F10: variants seen among roughly 807,000 people sequenced by gnomAD.
F10 encodes Stuart-Prower factor.
Under a neutral mutation model 37.1 loss-of-function variants are expected in F10, and 29 were observed. The ratio of observed to expected loss-of-function variants is 0.78; its 90% CI spans 0.58 to 1.07. F10 has a LOEUF of 1.07. Among genes scored for constraint, F10 ranks in the 50% least tolerant of loss-of-function variants. The pLI is 0.00. For missense variants in F10, 539 were observed against 667.9 expected (o/e 0.81, Z 2.13); for synonymous variants, 262 against 268.6 (o/e 0.98, Z 0.24).
rs74115807 is a variant in F10 at position 113,146,977 on chromosome 13, G to A, written c.748-402G>A. On this transcript the variant is annotated intron_variant, in intron 6 of 7. Coordinates refer to ENST00000375559, the MANE Select transcript of F10 (RefSeq NM_000504.4). The surrounding 1 kb of genome is among the most constrained non-coding windows in gnomAD (Gnocchi z 4.5). ...GGGGACAGGCTCACACTGCTGAACC[G>A]TCGGGACACCAGGCAGGCACACCGG... Among the ~76,000 whole-genome samples the A allele has an allele frequency of 2.0e-5, 3 of 152,286 alleles. No homozygotes were observed. The highest frequency in any genetic ancestry group is 6.5e-5 in the Admixed American group (1 of 15,300).
intron 1 of F10, among the ~76,000 whole-genome samples, 171 bp downstream of exon 1, chr13:113,123,096 G>A (rs998669746): frequency 6.6e-6 from 1 of 152,228 alleles, no homozygotes; most frequent in Non-Finnish European, 1.5e-5. Flanking sequence ...CATCCTCAAG[G>A]CCAGCTGTGG....
Position 113,144,454 on chromosome 13 carries a change from C to A in F10, c.747+359C>A, listed in dbSNP as rs1401069456. On this transcript the variant is annotated intron_variant, in intron 6 of 7. Coordinates refer to ENST00000375559, the MANE Select transcript of F10 (RefSeq NM_000504.4). The surrounding 1 kb of genome is among the most constrained non-coding windows in gnomAD (Gnocchi z 6.4). The stretch of plus-strand genomic sequence containing the variant: ...AGCCACACGCTCAAGTGTCCTCAAA[C>A]CTCCCCTACACCAGGAGACAAGGCT... Among the ~76,000 whole-genome samples the A allele has an allele frequency of 2.6e-5, 4 of 152,254 alleles. No homozygotes were observed. Among genetic ancestry groups the A allele is most frequent in the Admixed American group, 6.5e-5 (1 of 15,292 alleles).
chr13:113,148,865 C>T (rs371444611), intron 7 of F10, 51 bp from the exon 8 acceptor site: 29 of 1,588,958 alleles, frequency 1.8e-5, no homozygotes, highest in African/African-American at 1.3e-4. Flanking sequence ...AACGGATGTG[C>T]GAGAGCATGT....
intron 1 of F10, among the ~76,000 whole-genome samples, chr13:113,124,570 G>A (rs1427157354): frequency 1.3e-5 from 2 of 152,254 alleles, no homozygotes; most frequent in Non-Finnish European, 2.9e-5. Context: ...GGTGGGTGGG[G>A]CTGAACACAG....
At chr13:113,129,695 G>T in intron 2 of F10, 83 bp downstream of exon 2, 3 of 1,582,196 alleles carry the variant, frequency 1.9e-6, no homozygotes, top group African/African-American at 1.3e-5. Context: ...GTCCATCCAG[G>T]GGGGCGGCCT....
rs1381221972 is a variant in F10 at position 113,146,760 on chromosome 13, G to T, written c.748-619G>T. On this transcript the variant is annotated intron_variant, in intron 6 of 7. Coordinates refer to ENST00000375559, the MANE Select transcript of F10 (RefSeq NM_000504.4). This position sits in a 1 kb window ranked among gnomAD's most constrained non-coding sequence, Gnocchi z 4.5. ...ATCACAGGACGGGAAACTCCCCAGA[G>T]AAAAGAAAACCAAAATATGCCCGGG... Among the ~76,000 whole-genome samples, 1 of 152,172 alleles carries T rather than the reference G, an allele frequency of 6.6e-6. No individual in the cohort carries two copies. The highest frequency in any genetic ancestry group is 6.5e-5 in the Admixed American group (1 of 15,288).
In F10 at chr13:113,146,414, G is replaced by A. The variant is rs45440195; in HGVS notation, c.748-965G>A. Reference sequence around the variant, plus strand: ...GAGCTGCAGGCGGGGTTTTGGAGGGGTTCCTGGGCTGGGGGACCAGGGTGG... The same window carrying A: ...GAGCTGCAGGCGGGGTTTTGGAGGGATTCCTGGGCTGGGGGACCAGGGTGG... On this transcript the variant is annotated intron_variant, in intron 6 of 7. Transcript: ENST00000375559. The surrounding 1 kb of genome is among the most constrained non-coding windows in gnomAD (Gnocchi z 4.5). Among the ~76,000 whole-genome samples, 7 of 152,280 alleles carry A rather than the reference G, an allele frequency of 4.6e-5. No individual in the cohort carries two copies. The highest frequency in any genetic ancestry group is 3.4e-3 in the Middle Eastern group (1 of 294).
At chr13:113,142,323 T>C (rs1226427979) in intron 5 of F10, among the ~76,000 whole-genome samples, 13 of 150,050 alleles carry the variant, frequency 8.7e-5, no homozygotes, top group East Asian at 2.0e-4. Context: ...GGGCGGATCA[T>C]GAGGTCAGGA....
At chr13:113,138,535 G>A in intron 3 of F10, 54 bp downstream of exon 3, 1 of 1,171,404 alleles carries the variant, frequency 8.5e-7, no homozygotes, top group South Asian at 1.3e-5. Flanking sequence ...CAGGATATTT[G>A]AATTTTGAAA....
Position 113,140,947 on chromosome 13 carries a change from C to T in F10, c.399C>T (p.Asn133=), listed in dbSNP as rs5962. Residue 133 remains asparagine, a synonymous_variant, in exon 5 of 8, where the codon AAC becomes AAT. Transcript: ENST00000375559. The part of the protein sequence containing the change: ...LFTRKLCSLD[N]GDCDQFCHEE... ...CACGGAAGCTCTGCAGCCTGGACAA[C>T]GGGGACTGTGACCAGTTCTGCCACG... 5,992 of 1,614,112 alleles carry T rather than the reference C, an allele frequency of 3.7e-3. 135 individuals are homozygous for T. In the African/African-American group the frequency reaches 0.056, roughly 15 times the overall value.
At chr13:113,145,022 G>A (rs1176041639) in intron 6 of F10, among the ~76,000 whole-genome samples, 1 of 152,170 alleles carries the variant, frequency 6.6e-6, no homozygotes, top group African/African-American at 2.4e-5. Flanking sequence ...GGGACTACAG[G>A]CGCCTGCCAC....
Position 113,146,093 on chromosome 13 carries a change from CTCTG to C in F10, c.748-1282_748-1279del, listed in dbSNP as rs1332794736. On this transcript the variant is annotated intron_variant, in intron 6 of 7. Transcript: ENST00000375559. The surrounding 1 kb of genome is among the most constrained non-coding windows in gnomAD (Gnocchi z 4.5). ...ACCCCAGACCGTGTGGCGGGTGAGC[CTCTG>C]TCTAACTATAAAGAGCCAAGCGAGA... Among the ~76,000 whole-genome samples, 1 of 152,178 alleles carries C rather than the reference CTCTG, an allele frequency of 6.6e-6. No homozygotes were observed. Among genetic ancestry groups the C allele is most frequent in the Non-Finnish European group, 1.5e-5 (1 of 68,040 alleles).
intron 2 of F10, among the ~76,000 whole-genome samples, chr13:113,132,847 T>G (rs2036446576): frequency 6.6e-6 from 1 of 152,234 alleles, no homozygotes; most frequent in South Asian, 2.1e-4. Context: ...ATATCCTGTG[T>G]CTTAAAGCAT....
At chr13:113,145,832 G>A (rs945238114) in intron 6 of F10, among the ~76,000 whole-genome samples, 8 of 152,182 alleles carry the variant, frequency 5.3e-5, no homozygotes, top group African/African-American at 9.7e-5. Flanking sequence ...CCGCCCTCAC[G>A]ATTCAGTTAC....
chr13:113,130,027 G>C (rs891007634), intron 2 of F10: 1 of 332,244 alleles, frequency 3.0e-6, no homozygotes, highest in Admixed American at 4.2e-5. Context: ...TAGTCGCTGA[G>C]AGCCACAGCC....
chr13:113,123,129 C>T (rs539852562), intron 1 of F10, among the ~76,000 whole-genome samples: 4 of 152,198 alleles, frequency 2.6e-5, no homozygotes, highest in East Asian at 1.9e-4. Context: ...GAGAGTCAGA[C>T]GGGCGGATCA....
At chr13:113,125,774 T>C (rs2036364653) in intron 1 of F10, among the ~76,000 whole-genome samples, 1 of 152,230 alleles carries the variant, frequency 6.6e-6, no homozygotes, top group Non-Finnish European at 1.5e-5. Flanking sequence ...ACATATTGGT[T>C]AAGTTCCGGC....
chr13:113,137,398 G>A (rs1402059650), intron 2 of F10, among the ~76,000 whole-genome samples: 2 of 152,162 alleles, frequency 1.3e-5, no homozygotes, highest in Admixed American at 1.3e-4. Context: ...GGATGGACCT[G>A]TACTGCATCC....
chr13:113,135,014 G>T (rs1165486924), intron 2 of F10, among the ~76,000 whole-genome samples: 6 of 152,150 alleles, frequency 3.9e-5, no homozygotes, highest in Non-Finnish European at 7.4e-5. Context: ...ACCGAGGTGG[G>T]TGGATCACCT....
Sources: allele counts gnomAD v4.1 joint callset (sites outside exome capture counted in the v4.1 genomes callset), GRCh38; gene constraint gnomAD v4.1.1; non-coding constraint Gnocchi (gnomAD v3.1); transcripts MANE v1.5; gene names NCBI Gene and HGNC (gene_info 2026-07-23, HGNC 2026-07-21).